STAU2: variants seen among roughly 807,000 people sequenced by gnomAD.
STAU2 encodes staufen double-stranded RNA binding protein 2.
STAU2 carries 20 observed loss-of-function variants against 65.9 expected under a neutral mutation model. That is an observed-to-expected ratio of 0.30 (90% CI 0.21 to 0.44). The LOEUF (loss-of-function observed/expected upper bound fraction) is 0.44, where lower values mean the gene tolerates loss of function less well. STAU2 is among the 20% of genes least tolerant of loss of function. The pLI, the probability that STAU2 is intolerant of heterozygous loss-of-function variation, is 1.00. For synonymous variants in STAU2, 232 were observed against 233.9 expected (o/e 0.99, Z 0.07); for missense variants, 558 against 683.9 (o/e 0.82, Z 2.05).
At chr8:73,501,575 A>G (rs1411638195) in intron 13 of STAU2, among the ~76,000 whole-genome samples, 1 of 151,970 alleles carries the variant, frequency 6.6e-6, no homozygotes, top group Non-Finnish European at 1.5e-5. Context: ...CTAAACCTCT[A>G]AAGGTAAAAG....
At chr8:73,605,248 G>A (rs574600440) in intron 9 of STAU2, among the ~76,000 whole-genome samples, 9 of 150,178 alleles carry the variant, frequency 6.0e-5, no homozygotes, top group Admixed American at 2.7e-4. Flanking sequence ...CATGTTCATC[G>A]ATCAGAAGAC....
intron 6 of STAU2, among the ~76,000 whole-genome samples, chr8:73,622,437 T>C (rs370009294): frequency 6.6e-6 from 1 of 152,086 alleles, no homozygotes; most frequent in Admixed American, 6.5e-5. Context: ...GTCTTTCATA[T>C]CTCTTTTTCA....
At chr8:73,724,689 ATATTTTTT>A (rs887634534) in intron 3 of STAU2, among the ~76,000 whole-genome samples, 1 of 144,182 alleles carries the variant, frequency 6.9e-6, no homozygotes, top group African/African-American at 2.6e-5. Context: ...ATATATATAT[ATATTTTTT>A]TTTTTTTTCT....
At chr8:73,617,271 T>G (rs1812898375) in intron 7 of STAU2, 21 bp downstream of exon 7, 3 of 1,610,014 alleles carry the variant, frequency 1.9e-6, no homozygotes, top group Non-Finnish European at 2.5e-6. Flanking sequence ...GAACAGACTG[T>G]CACATGCAGC....
intron 6 of STAU2, among the ~76,000 whole-genome samples, chr8:73,662,375 C>T (rs1432473945): frequency 6.6e-6 from 1 of 151,886 alleles, no homozygotes; most frequent in East Asian, 1.9e-4. Context: ...ATTTTGATGA[C>T]TTATAATTTC....
chr8:73,645,941 T>G (rs2130171568), intron 6 of STAU2, among the ~76,000 whole-genome samples: 1 of 152,156 alleles, frequency 6.6e-6, no homozygotes, highest in Admixed American at 6.5e-5. Flanking sequence ...TCCAATCACC[T>G]CCCACCCCAC....
chr8:73,690,328 C>CAAAAAAAA (rs56744849), intron 4 of STAU2, among the ~76,000 whole-genome samples: 5 of 58,256 alleles, frequency 8.6e-5, no homozygotes, highest in East Asian at 5.3e-4. Flanking sequence ...GACTCTGTCT[C>CAAAAAAAA]AAAAAAAAAA....
chr8:73,687,325 T>TTATAAATATAATTTATATTTATATA (rs1563506725), intron 5 of STAU2, among the ~76,000 whole-genome samples: 4 of 114,818 alleles, frequency 3.5e-5, no homozygotes, highest in African/African-American at 1.3e-4. Flanking sequence ...ATATTTATAT[T>TTATAAATATAATTTATATTTATATA]TATAAATATA....
intron 6 of STAU2, among the ~76,000 whole-genome samples, chr8:73,634,189 C>T (rs1771349832): frequency 6.6e-6 from 1 of 152,186 alleles, no homozygotes; most frequent in Non-Finnish European, 1.5e-5. Context: ...AAAACAGCCT[C>T]GTCTCTAGTC....
rs571712989 is a variant in STAU2, at chr8:73,676,943, G to A, written c.275-3701C>T. Among the ~76,000 whole-genome samples the A allele has an allele frequency of 2.2e-4, 34 of 152,258 alleles. No individual in the cohort carries two copies. In the Middle Eastern group the frequency reaches 0.017, roughly 76 times the overall value. ...ATCAAAATGTACCCTTAGGAGTATA[G>A]AAAGATATTTGCAATATACATATCT... is the stretch of plus-strand genomic sequence containing the variant. On this transcript the variant is annotated intron_variant, in intron 5 of 14. Coordinates refer to ENST00000524300, the MANE Select transcript of STAU2 (RefSeq NM_001164380.2).
At chr8:73,546,833 C>A (rs1806970415) in intron 13 of STAU2, among the ~76,000 whole-genome samples, 1 of 152,128 alleles carries the variant, frequency 6.6e-6, no homozygotes, top group South Asian at 2.1e-4. Context: ...TGCCATCCAC[C>A]TGAAGAGTAC....
At chr8:73,480,651 C>T (rs2128910114) in intron 13 of STAU2, among the ~76,000 whole-genome samples, 1 of 152,226 alleles carries the variant, frequency 6.6e-6, no homozygotes, top group East Asian at 1.9e-4. Flanking sequence ...TGCAGCTGAT[C>T]ACAGGTAATG....
At chr8:73,636,151 T>C (rs1005475232) in intron 6 of STAU2, among the ~76,000 whole-genome samples, 2 of 152,076 alleles carry the variant, frequency 1.3e-5, no homozygotes, top group African/African-American at 2.4e-5. Flanking sequence ...ACCCAGGAGT[T>C]AGAGACCAGG....
intron 12 of STAU2, among the ~76,000 whole-genome samples, chr8:73,576,945 A>G (rs1809605310): frequency 6.6e-6 from 1 of 152,216 alleles, no homozygotes; most frequent in Admixed American, 6.5e-5. Context: ...TTTTGAAAAG[A>G]CTAATTTTAA....
intron 13 of STAU2, among the ~76,000 whole-genome samples, chr8:73,476,499 T>C (rs1418527837): frequency 6.6e-6 from 1 of 152,214 alleles, no homozygotes; most frequent in Non-Finnish European, 1.5e-5. Flanking sequence ...TTCTGTATTA[T>C]GGGTAATGTA....
At chr8:73,459,683 C>A (rs184441029) in intron 13 of STAU2, among the ~76,000 whole-genome samples, 562 of 152,302 alleles carry the variant, frequency 3.7e-3, no homozygotes, top group Non-Finnish European at 5.1e-3. Flanking sequence ...AGCTCCGCCT[C>A]CACATATCGT....
At chr8:73,549,998 C>T in intron 13 of STAU2, 1 of 985,656 alleles carries the variant, frequency 1.0e-6, no homozygotes, top group Non-Finnish European at 1.2e-6. Context: ...CCACAAAGAA[C>T]CTTCTGCTGC....
intron 13 of STAU2, among the ~76,000 whole-genome samples, chr8:73,445,271 C>T (rs189402302): frequency 6.5e-4 from 99 of 152,300 alleles, no homozygotes; most frequent in African/African-American, 2.3e-3. Context: ...TTGCACTCCA[C>T]TTTGCAGTCA....
chr8:73,592,208 C>A (rs1342457435), intron 11 of STAU2, among the ~76,000 whole-genome samples: 1 of 151,488 alleles, frequency 6.6e-6, no homozygotes, highest in Non-Finnish European at 1.5e-5. Context: ...TATAAACCCC[C>A]TAGCTAAACT....
Sources: gnomAD v4.1 joint callset for allele counts (sites outside exome capture counted in the v4.1 genomes callset) on GRCh38, gnomAD v4.1.1 for gene constraint, MANE v1.5 for transcripts, NCBI Gene and HGNC (gene_info 2026-07-23, HGNC 2026-07-21) for gene names.